The following SEMA6D variants were observed in gnomAD, a reference collection of about 807,000 sequenced individuals.
The protein encoded by SEMA6D is semaphorin-6D.
Under a neutral mutation model 106.6 loss-of-function variants are expected in SEMA6D, and 35 were observed. The observed-to-expected ratio is 0.33, with a 90% CI of 0.25 to 0.44. SEMA6D has a LOEUF of 0.44. Ranked by LOEUF, SEMA6D falls within the 20% of genes least tolerant of loss-of-function variation. SEMA6D has a pLI of 1.00. For synonymous variants in SEMA6D, 499 were observed against 487.7 expected (o/e 1.02, Z -0.31); for missense variants, 1,185 against 1,345.9 (o/e 0.88, Z 1.87).
chr15:47,228,017 C>T (rs868602151), intron 1 of SEMA6D, among the ~76,000 whole-genome samples: 1 of 140,172 alleles, frequency 7.1e-6, no homozygotes, highest in South Asian at 2.2e-4. Flanking sequence ...ATATAAGAAT[C>T]ATATATTTTT....
In SEMA6D at chr15:47,342,733, C is replaced by T. The variant is rs560805921; in HGVS notation, c.-238-69660C>T. Among the ~76,000 whole-genome samples the T allele has an allele frequency of 2.0e-5, 3 of 152,154 alleles. No individual in the cohort carries two copies. The South Asian group carries it at 6.2e-4, about 32-fold the overall frequency. On this transcript the variant is annotated intron_variant, in intron 1 of 19. Coordinates refer to the SEMA6D transcript ENST00000558014. ...TTACTATTTTTTTATTTTTTTAAGACAGTGTCTCCCTCTGTCACCCAGGCT... is the reference window on the plus strand; with the variant it reads ...TTACTATTTTTTTATTTTTTTAAGATAGTGTCTCCCTCTGTCACCCAGGCT...
At chr15:47,279,200 C>A (rs1197413878) in intron 1 of SEMA6D, among the ~76,000 whole-genome samples, 1 of 20,568 alleles carries the variant, frequency 4.9e-5, no homozygotes, top group Admixed American at 5.4e-4. Context: ...CTTTTATTTC[C>A]TTGAGCAGTG....
intron 1 of SEMA6D, among the ~76,000 whole-genome samples, chr15:47,367,637 A>G (rs904440235): frequency 6.6e-6 from 1 of 151,504 alleles, no homozygotes; most frequent in Non-Finnish European, 1.5e-5. Flanking sequence ...TGATTTTGCC[A>G]TTATGAGTAT....
At position 47,761,044 on chromosome 15, in the gene SEMA6D, CAACTGTAGTTGGCA is replaced by C; in HGVS notation, c.282+9_282+22del. On this transcript the variant is annotated splice_region_variant and intron_variant, in intron 4 of 18. Coordinates refer to ENST00000536845, the MANE Select transcript of SEMA6D (RefSeq NM_001358351.3). ...CAGAAGTAATACCCAACAAGGTGAG[CAACTGTAGTTGGCA>C]AATTTATTTACCTTCCCTCTGAACC... 1.2e-6 allele frequency: 2 copies of C among 1,613,224 alleles called. No homozygotes were observed. Among genetic ancestry groups the C allele is most frequent in the Admixed American group, 3.3e-5 (2 of 59,990 alleles).
chr15:47,739,291 T>A (rs939934605), intron 1 of SEMA6D, among the ~76,000 whole-genome samples: 1 of 152,180 alleles, frequency 6.6e-6, no homozygotes, highest in Non-Finnish European at 1.5e-5. Flanking sequence ...TAGTAGATAT[T>A]ATAGCACCAA....
chr15:47,498,882 G>T (rs2052859088), intron 3 of SEMA6D, among the ~76,000 whole-genome samples: 1 of 152,140 alleles, frequency 6.6e-6, no homozygotes, highest in Admixed American at 6.6e-5. Flanking sequence ...ATTCCAGGTA[G>T]ATTTCTAGTA....
At chr15:47,609,896 A>G (rs533341783) in intron 4 of SEMA6D, among the ~76,000 whole-genome samples, 4 of 152,250 alleles carry the variant, frequency 2.6e-5, no homozygotes, top group African/African-American at 9.6e-5. Context: ...CTGTGGCTTC[A>G]GCAGCCCTGC....
intron 3 of SEMA6D, among the ~76,000 whole-genome samples, chr15:47,556,112 G>C (rs17323656): frequency 0.43 from 65,393 of 151,890 alleles, 15,407 homozygotes; most frequent in Non-Finnish European, 0.53. Context: ...GGTGGTTTTG[G>C]CACATACCTT....
intron 1 of SEMA6D, among the ~76,000 whole-genome samples, chr15:47,742,600 G>A (rs981959772): frequency 6.6e-6 from 1 of 152,152 alleles, no homozygotes; most frequent in Non-Finnish European, 1.5e-5. Context: ...TTGTACTAAC[G>A]GCTGCTTCTA....
chr15:47,343,116 CT>C (rs1298282380), intron 1 of SEMA6D, among the ~76,000 whole-genome samples: 10 of 152,048 alleles, frequency 6.6e-5, no homozygotes, highest in African/African-American at 2.4e-4. Flanking sequence ...TCTATCTATA[CT>C]TTAATCCCTA....
chr15:47,302,986 G>A (rs758859301), intron 1 of SEMA6D, among the ~76,000 whole-genome samples: 7 of 152,186 alleles, frequency 4.6e-5, no homozygotes, highest in African/African-American at 9.7e-5. Flanking sequence ...AAGAATTCAT[G>A]GCGAGGACAC....
chr15:47,769,077 A>G (rs1479602617), intron 18 of SEMA6D, among the ~76,000 whole-genome samples: 2 of 152,092 alleles, frequency 1.3e-5, no homozygotes, highest in African/African-American at 4.8e-5. Flanking sequence ...AAAAAACAAA[A>G]CTCATTAATT....
At chr15:47,677,796 A>G (rs1490521430) in intron 4 of SEMA6D, among the ~76,000 whole-genome samples, 2 of 152,302 alleles carry the variant, frequency 1.3e-5, no homozygotes, top group African/African-American at 4.8e-5. Flanking sequence ...TGAAAACCAT[A>G]AAGTCATATG....
chr15:47,244,940 C>T (rs2033119452), intron 1 of SEMA6D, among the ~76,000 whole-genome samples: 1 of 152,094 alleles, frequency 6.6e-6, no homozygotes, highest in Non-Finnish European at 1.5e-5. Flanking sequence ...TAAAAGAGAA[C>T]ATGCAATATT....
At chr15:47,376,027 A>C (rs906932339) in intron 1 of SEMA6D, among the ~76,000 whole-genome samples, 4 of 152,230 alleles carry the variant, frequency 2.6e-5, no homozygotes, top group African/African-American at 7.2e-5. Flanking sequence ...CTATGTAAAG[A>C]AGGCAAATTA....
intron 1 of SEMA6D, among the ~76,000 whole-genome samples, chr15:47,739,769 C>T (rs1153820): frequency 0.95 from 144,672 of 152,290 alleles, 69,262 homozygotes; most frequent in African/African-American, 0.98. Context: ...GAAGAAGATA[C>T]TGAAATCATC....
intron 7 of SEMA6D, 66 bp from the exon 8 acceptor site, chr15:47,762,134 C>A: frequency 6.3e-7 from 1 of 1,594,586 alleles, no homozygotes; most frequent in Non-Finnish European, 8.6e-7. Context: ...GCATAACACG[C>A]TGCCAAAGCT....
In SEMA6D at chr15:47,644,598, G is replaced by A. The variant is rs182378206; in HGVS notation, c.-55+43702G>A. On this transcript the variant is annotated intron_variant, in intron 4 of 19. Transcript: ENST00000558014. ...TGCCCTTACAAAGGGGCTTGATGGA[G>A]GGAGTAGCTTGCTCTCTTGCCCTTC... Among the ~76,000 whole-genome samples, 16 of 152,328 alleles carry A rather than the reference G, an allele frequency of 1.1e-4. No homozygotes were observed. In the East Asian group the frequency reaches 2.9e-3, roughly 28 times the overall value.
chr15:47,374,436 G>C (rs2039382466), intron 1 of SEMA6D, among the ~76,000 whole-genome samples: 1 of 152,146 alleles, frequency 6.6e-6, no homozygotes, highest in South Asian at 2.1e-4. Context: ...TGTTTAGTCA[G>C]CAGGAATGGC....
Sources: allele counts gnomAD v4.1 joint callset (sites outside exome capture counted in the v4.1 genomes callset), GRCh38; gene constraint gnomAD v4.1.1; transcripts MANE v1.5; gene names NCBI Gene and HGNC (gene_info 2026-07-23, HGNC 2026-07-21).